The following BATF variants were observed in gnomAD, a reference collection of about 807,000 sequenced individuals.
BATF encodes basic leucine zipper transcriptional factor ATF-like.
Under a neutral mutation model 13.7 loss-of-function variants are expected in BATF, and 5 were observed. The observed-to-expected ratio is 0.36, with a 90% CI of 0.19 to 0.77. The LOEUF (loss-of-function observed/expected upper bound fraction) is 0.77. Ranked by LOEUF, BATF falls within the 30% of genes least tolerant of loss-of-function variation. The probability of loss-of-function intolerance (pLI) is 0.51; values close to 1 mark genes in which losing one functional copy is unlikely to be tolerated. For missense variants in BATF, 124 were observed against 163.0 expected (o/e 0.76, Z 1.30); for synonymous variants, 72 against 67.5 (o/e 1.07, Z -0.33).
At position 75,540,440 on chromosome 14, in the gene BATF, T is replaced by C. The variant is rs566322040; in HGVS notation, c.169-6022T>C. Among the ~76,000 whole-genome samples the C allele has an allele frequency of 5.3e-5, 8 of 152,162 alleles. No individual in the cohort carries two copies. The South Asian group carries it at 1.7e-3, about 32-fold the overall frequency. On this transcript the variant is annotated intron_variant, in intron 2 of 2. Transcript: ENST00000286639. Reference sequence around the variant, plus strand: ...ATCAAATGACCCCACAGGTGAGGGATTTGCCTGAGGTGGGAAAAGAGGGAA... The same window carrying C: ...ATCAAATGACCCCACAGGTGAGGGACTTGCCTGAGGTGGGAAAAGAGGGAA...
In BATF at chr14:75,533,320, C is replaced by T. The variant is rs1284534250; in HGVS notation, c.168+8132C>T. 3.3e-5 allele frequency among the ~76,000 whole-genome samples: 5 copies of T among 149,988 alleles called. No homozygotes were observed. In the East Asian group the frequency reaches 5.9e-4, roughly 18 times the overall value. On this transcript the variant is annotated intron_variant, in intron 2 of 2. Coordinates refer to ENST00000286639, the MANE Select transcript of BATF (RefSeq NM_006399.5). ...GCGGGCGCCTGTAGTCCCAGCTACT[C>T]GGGAGGATGAGGCAGGAGAACGGCA...
intron 2 of BATF, among the ~76,000 whole-genome samples, chr14:75,526,219 C>A (rs1308122949): frequency 6.6e-6 from 1 of 152,202 alleles, no homozygotes; most frequent in African/African-American, 2.4e-5. Context: ...ATTGCTCATA[C>A]CTTACCACCT....
chr14:75,522,567 A>G lies in BATF; in HGVS notation c.-116A>G, dbSNP rs931743585. ...TGGCTACAGGGCAGGCAGAGGAGGC[A>G]CCTGTAGGGGGTGGTGGGCTGGTGG... is the stretch of plus-strand genomic sequence containing the variant. On this transcript the variant is annotated 5_prime_UTR_variant, in exon 1 of 3. Coordinates refer to ENST00000286639, the MANE Select transcript of BATF (RefSeq NM_006399.5). 1.4e-4 allele frequency: 161 copies of G among 1,169,862 alleles called. No homozygotes were observed. The highest frequency in any genetic ancestry group is 6.1e-4 in the Middle Eastern group (3 of 4,938). 72.5% of individuals were successfully genotyped at this position (1,169,862 alleles called of 1,614,324 possible). A position where few individuals can be genotyped will look rare whatever the true frequency, so the allele number is the denominator to read the frequency against.
intron 2 of BATF, among the ~76,000 whole-genome samples, chr14:75,532,717 A>G (rs1326452541): frequency 6.6e-6 from 1 of 152,248 alleles, no homozygotes; most frequent in Admixed American, 6.5e-5. Context: ...ATACAATAAA[A>G]AAATTTATGC....
chr14:75,525,180 C>T lies in BATF; in HGVS notation c.160C>T (p.Leu54=). The T allele has an allele frequency of 6.2e-7, 1 of 1,613,716 alleles. No individual in the cohort carries two copies. Among genetic ancestry groups the T allele is most frequent in the Non-Finnish European group, 8.5e-7 (1 of 1,179,814 alleles). The change falls in exon 2 of 3, where the codon CTG becomes TTG. Residue 54 remains leucine (L), a synonymous_variant. Coordinates refer to ENST00000286639, the MANE Select transcript of BATF (RefSeq NM_006399.5). ...RQRQTQKADT[L]HLESEDLEKQ... is the part of the protein sequence containing the mutation. ...GAGGCAGACACAGAAGGCCGACACCCTGCACCTGGTAAGTGTTCAGATCAA... is the reference window on the plus strand; with the variant it reads ...GAGGCAGACACAGAAGGCCGACACCTTGCACCTGGTAAGTGTTCAGATCAA...
intron 1 of BATF, among the ~76,000 whole-genome samples, chr14:75,523,000 G>A (rs910435146): frequency 6.6e-6 from 1 of 152,086 alleles, no homozygotes; most frequent in Non-Finnish European, 1.5e-5. Context: ...TGCCTCACTG[G>A]GGTTGCCACC....
At chr14:75,539,234 C>T (rs1887860969) in intron 2 of BATF, among the ~76,000 whole-genome samples, 1 of 152,088 alleles carries the variant, frequency 6.6e-6, no homozygotes, top group South Asian at 2.1e-4. Flanking sequence ...GAGATGGGTG[C>T]CGAGCCTCTC....
chr14:75,541,636 G>A (rs1887897631), intron 2 of BATF, among the ~76,000 whole-genome samples: 2 of 152,162 alleles, frequency 1.3e-5, no homozygotes, highest in African/African-American at 4.8e-5. Context: ...GGAGACAACA[G>A]GGTAGCCAAG....
chr14:75,532,755 G>A (rs1192505288), intron 2 of BATF, among the ~76,000 whole-genome samples: 2 of 151,902 alleles, frequency 1.3e-5, no homozygotes, highest in South Asian at 2.1e-4. Context: ...ATGTAGATCT[G>A]TATTTATCAG....
At chr14:75,525,016 A>G in intron 1 of BATF, 68 bp from the exon 2 acceptor site, 1 of 1,353,916 alleles carries the variant, frequency 7.4e-7, no homozygotes, top group Non-Finnish European at 1.0e-6. Context: ...ACCACACACC[A>G]CCAGAGCCTG....
intron 2 of BATF, among the ~76,000 whole-genome samples, chr14:75,528,030 A>G (rs1479885201): frequency 6.6e-6 from 1 of 152,034 alleles, no homozygotes; most frequent in African/African-American, 2.4e-5. Context: ...TATCTTCTCC[A>G]TCCATTATCC....
Position 75,541,467 on chromosome 14 carries a change from C to T in BATF, c.169-4995C>T, listed in dbSNP as rs140385384. On this transcript the variant is annotated intron_variant, in intron 2 of 2. Coordinates refer to ENST00000286639, the MANE Select transcript of BATF (RefSeq NM_006399.5). ...TCTGGAGGAAGGTCTGGCCTCGAGTCAGCCCTTGTCCAGAATATCTGGCCA... is the reference window on the plus strand; with the variant it reads ...TCTGGAGGAAGGTCTGGCCTCGAGTTAGCCCTTGTCCAGAATATCTGGCCA... Among the ~76,000 whole-genome samples, 735 of 152,262 alleles carry T rather than the reference C, an allele frequency of 4.8e-3. 3 individuals are homozygous for T. The highest frequency in any genetic ancestry group is 0.015 in the African/African-American group (603 of 41,546).
chr14:75,536,049 G>A (rs1238327861), intron 2 of BATF, among the ~76,000 whole-genome samples: 2 of 152,212 alleles, frequency 1.3e-5, no homozygotes, highest in African/African-American at 4.8e-5. Flanking sequence ...GTTCGTTCTA[G>A]GCACTGAGAA....
At chr14:75,533,138 T>C (rs1476361303) in intron 2 of BATF, among the ~76,000 whole-genome samples, 1 of 152,094 alleles carries the variant, frequency 6.6e-6, no homozygotes, top group Non-Finnish European at 1.5e-5. Flanking sequence ...TATTGGAAAT[T>C]GGGAGTCCAG....
intron 2 of BATF, among the ~76,000 whole-genome samples, chr14:75,530,338 A>C (rs1375312380): frequency 1.3e-5 from 2 of 152,180 alleles, no homozygotes; most frequent in East Asian, 3.9e-4. Context: ...GTCCATTCAA[A>C]TTATAGGTGC....
At chr14:75,543,248 G>C (rs1055268601) in intron 2 of BATF, among the ~76,000 whole-genome samples, 3 of 152,334 alleles carry the variant, frequency 2.0e-5, no homozygotes, top group African/African-American at 7.2e-5. Context: ...AGAAGGCAGG[G>C]CTGTGACTCC....
chr14:75,527,113 A>G (rs1887664702), intron 2 of BATF, among the ~76,000 whole-genome samples: 1 of 152,182 alleles, frequency 6.6e-6, no homozygotes, highest in South Asian at 2.1e-4. Context: ...TAGAAAATGG[A>G]AAATGACAAT....
In BATF at chr14:75,546,599, G is replaced by A. The variant is rs530778934; in HGVS notation, c.306G>A (p.Ser102=). 2.7e-5 allele frequency: 43 copies of A among 1,613,798 alleles called. No individual in the cohort carries two copies. The African/African-American group carries it at 3.1e-4, about 12-fold the overall frequency. ...LCSVLAASTP[S]PPEVVYSAHA... Reference sequence around the variant, plus strand: ...CGGTGCTGGCCGCCAGCACGCCCTCGCCCCCCGAGGTGGTGTACAGCGCCC... The same window carrying A: ...CGGTGCTGGCCGCCAGCACGCCCTCACCCCCCGAGGTGGTGTACAGCGCCC... The change falls in exon 3 of 3, where the codon TCG becomes TCA. Residue 102 remains serine, a synonymous_variant. Transcript: ENST00000286639.
chr14:75,539,424 A>ATTTT lies in BATF; in HGVS notation c.169-7014_169-7011dup, dbSNP rs1162218076. 1.0e-2 allele frequency among the ~76,000 whole-genome samples: 583 copies of ATTTT among 58,526 alleles called. 79 individuals are homozygous for ATTTT. Among genetic ancestry groups the ATTTT allele is most frequent in the African/African-American group, 0.024 (338 of 14,076 alleles). The allele number at this position is 58,526 out of a possible 152,430, so 38.4% of individuals were successfully genotyped here. On this transcript the variant is annotated intron_variant, in intron 2 of 2. Coordinates refer to ENST00000286639, the MANE Select transcript of BATF (RefSeq NM_006399.5). ...TAGCTACAAGGTAAGGTAAGCTGGA[A>ATTTT]TTTTTTTTTTTTTTTTTTTTTTTTT... is the stretch of plus-strand genomic sequence containing the variant.
Sources: allele counts gnomAD v4.1 joint callset (sites outside exome capture counted in the v4.1 genomes callset), GRCh38; gene constraint gnomAD v4.1.1; transcripts MANE v1.5; gene names NCBI Gene and HGNC (gene_info 2026-07-23, HGNC 2026-07-21).